Variants in TRHDE observed in about 807,000 individuals in gnomAD.
TRHDE encodes thyrotropin-releasing hormone-degrading ectoenzyme.
A neutral mutation model predicts 125.7 loss-of-function variants in TRHDE; 72 were observed. The observed-to-expected ratio is 0.57, with a 90% confidence interval of 0.47 to 0.70. The LOEUF is 0.70. Ranked by LOEUF, TRHDE falls within the 30% of genes least tolerant of loss-of-function variation. The pLI is 0.00. For missense variants in TRHDE, 1,110 were observed against 1,327.1 expected (o/e 0.84, Z 2.54); for synonymous variants, 509 against 509.1 (o/e 1.00, Z 0.00).
intron 5 of TRHDE, among the ~76,000 whole-genome samples, chr12:72,478,785 C>A (rs1470279640): frequency 6.6e-6 from 1 of 151,878 alleles, no homozygotes; most frequent in Non-Finnish European, 1.5e-5. Flanking sequence ...TGTGCATATG[C>A]CCCATGCATT....
intron 2 of TRHDE, among the ~76,000 whole-genome samples, chr12:72,180,044 A>G (rs1877064901): frequency 6.6e-6 from 1 of 151,820 alleles, no homozygotes; most frequent in Admixed American, 6.6e-5. Context: ...TATTACTACT[A>G]ATAATTACTA....
At chr12:72,098,124 C>T (rs1053357048) in intron 1 of TRHDE, among the ~76,000 whole-genome samples, 3 of 152,088 alleles carry the variant, frequency 2.0e-5, no homozygotes, top group African/African-American at 4.8e-5. Flanking sequence ...CTCAAGCTAT[C>T]CTCCTGCCTC....
intron 2 of TRHDE, among the ~76,000 whole-genome samples, chr12:72,302,246 A>ATGTG (rs10581163): frequency 5.4e-5 from 8 of 149,240 alleles, no homozygotes; most frequent in South Asian, 2.1e-4. Context: ...GTGTGTGTGT[A>ATGTG]TGTGTGTGTG....
At chr12:72,195,369 A>C (rs1408573178) in intron 2 of TRHDE, among the ~76,000 whole-genome samples, 1 of 152,162 alleles carries the variant, frequency 6.6e-6, no homozygotes, top group Non-Finnish European at 1.5e-5. Flanking sequence ...TCCCACCAGC[A>C]GTGAGTCAAC....
intron 15 of TRHDE, among the ~76,000 whole-genome samples, chr12:72,637,865 G>A (rs1873837125): frequency 6.6e-6 from 1 of 151,766 alleles, no homozygotes; most frequent in Admixed American, 6.6e-5. Context: ...TGTGGTCTGA[G>A]AGATAGTTTG....
rs71071842 is a variant in TRHDE, at chr12:72,591,632, G to GTT, written c.2321+16104_2321+16105dup. ...TATTCATCAATTTCTAAGGATATGG[G>GTT]TTTTTTTTTTTTTTTGCTATTATTT... On this transcript the variant is annotated intron_variant, in intron 12 of 18. Coordinates refer to ENST00000261180, the MANE Select transcript of TRHDE (RefSeq NM_013381.3). 2.5e-4 allele frequency among the ~76,000 whole-genome samples: 31 copies of GTT among 125,442 alleles called. 1 individual carries two copies. The highest frequency in any genetic ancestry group is 6.7e-4 in the African/African-American group (21 of 31,324). The allele number at this position is 125,442 out of a possible 152,430, so 82.3% of individuals were successfully genotyped here. A position where few individuals can be genotyped will look rare whatever the true frequency, so the allele number is the denominator to read the frequency against.
intron 12 of TRHDE, among the ~76,000 whole-genome samples, chr12:72,598,332 T>C (rs910381792): frequency 6.6e-6 from 1 of 152,210 alleles, no homozygotes; most frequent in African/African-American, 2.4e-5. Context: ...AAGGAGTAGA[T>C]AGTTTTGCCA....
At chr12:72,299,566 A>C (rs117119229) in intron 2 of TRHDE, among the ~76,000 whole-genome samples, 1,677 of 152,334 alleles carry the variant, frequency 0.011, 12 homozygotes, top group Non-Finnish European at 0.018. Context: ...AACCGTGTTC[A>C]ACAATGAACT....
At chr12:72,576,941 A>G (rs1871022912) in intron 12 of TRHDE, among the ~76,000 whole-genome samples, 1 of 152,182 alleles carries the variant, frequency 6.6e-6, no homozygotes, top group Non-Finnish European at 1.5e-5. Context: ...TCCATGCCAT[A>G]GCACCATCTT....
At chr12:72,290,275 T>C (rs1880038210) in intron 2 of TRHDE, among the ~76,000 whole-genome samples, 2 of 152,236 alleles carry the variant, frequency 1.3e-5, no homozygotes, top group Non-Finnish European at 2.9e-5. Flanking sequence ...CTATGGAATA[T>C]AGTGTAGCAT....
At chr12:72,226,993 A>G (rs1181797852) in intron 2 of TRHDE, among the ~76,000 whole-genome samples, 5 of 152,196 alleles carry the variant, frequency 3.3e-5, no homozygotes, top group African/African-American at 1.2e-4. Flanking sequence ...GTTGCCAGGA[A>G]AATTTCCCAT....
chr12:72,345,915 C>T (rs905150676), intron 2 of TRHDE, among the ~76,000 whole-genome samples: 8 of 151,864 alleles, frequency 5.3e-5, no homozygotes, highest in African/African-American at 1.9e-4. Context: ...GTCAGATGTT[C>T]CTTGGTTGGG....
intron 2 of TRHDE, among the ~76,000 whole-genome samples, chr12:72,109,030 C>T (rs1875253952): frequency 6.6e-6 from 1 of 152,170 alleles, no homozygotes; most frequent in Admixed American, 6.6e-5. Context: ...TAGGTCCCCA[C>T]AACACAAAGC....
At chr12:72,447,193 G>A (rs1188430563) in intron 3 of TRHDE, among the ~76,000 whole-genome samples, 1 of 152,048 alleles carries the variant, frequency 6.6e-6, no homozygotes, top group Non-Finnish European at 1.5e-5. Context: ...AATCAAACTA[G>A]AACTCAGGAT....
chr12:72,638,387 C>T (rs1873865196), intron 15 of TRHDE, among the ~76,000 whole-genome samples: 1 of 152,056 alleles, frequency 6.6e-6, no homozygotes, highest in Non-Finnish European at 1.5e-5. Context: ...TTATTTTGAG[C>T]CTATGTTTGT....
chr12:72,516,938 G>T (rs1878897474), intron 6 of TRHDE, among the ~76,000 whole-genome samples: 1 of 152,136 alleles, frequency 6.6e-6, no homozygotes, highest in Admixed American at 6.5e-5. Flanking sequence ...TTTATATGCG[G>T]ATTACATTTA....
intron 2 of TRHDE, among the ~76,000 whole-genome samples, chr12:72,311,921 T>A (rs1021191035): frequency 6.6e-6 from 1 of 152,122 alleles, no homozygotes; most frequent in Admixed American, 6.6e-5. Context: ...TTCTTTTTTT[T>A]ATTCGTATTT....
chr12:72,361,766 T>G (rs1169550490), intron 2 of TRHDE, among the ~76,000 whole-genome samples: 3 of 137,964 alleles, frequency 2.2e-5, no homozygotes, highest in African/African-American at 8.1e-5. Flanking sequence ...CCTGTGTCCA[T>G]GTGATCTCAT....
chr12:72,134,672 T>C (rs1875941446), intron 2 of TRHDE, among the ~76,000 whole-genome samples: 1 of 152,142 alleles, frequency 6.6e-6, no homozygotes, highest in African/African-American at 2.4e-5. Context: ...GAAAAACTCC[T>C]AATACGTAGG....
Sources: gnomAD v4.1 joint callset for allele counts (sites outside exome capture counted in the v4.1 genomes callset) on GRCh38, gnomAD v4.1.1 for gene constraint, MANE v1.5 for transcripts, NCBI Gene and HGNC (gene_info 2026-07-23, HGNC 2026-07-21) for gene names.